The following BRPF1 variants were observed in gnomAD, a reference collection of about 807,000 sequenced individuals.
BRPF1 encodes bromodomain and PHD finger containing 1, also known as peregrin.
Under a neutral mutation model 115.0 loss-of-function variants are expected in BRPF1, and 15 were observed. The observed-to-expected ratio is 0.13, with a 90% CI of 0.09 to 0.20. The LOEUF is 0.20. Among genes scored for constraint, BRPF1 ranks in the 10% least tolerant of loss-of-function variants. BRPF1 has a pLI of 1.00. For missense variants in BRPF1, 1,118 were observed against 1,638.3 expected, an observed-to-expected ratio of 0.68 and a Z score of 5.48; for synonymous variants, 647 against 619.8, an observed-to-expected ratio of 1.04 and a Z score of -0.65.
Position 9,734,528 on chromosome 3 carries a change from C to G in BRPF1, c.388C>G (p.Pro130Ala). ...SEDEEAPEEAPENGSNKENTE... is the reference protein window; with the variant it reads ...SEDEEAPEEAAENGSNKENTE... ...GGATGAGGAAGCCCCCGAGGAGGCC[C>G]CTGAGAATGGCAGCAACAAGGAGAA... Residue 130 changes from proline to alanine, a missense_variant, in exon 2 of 14, where the codon CCT becomes GCT. Physicochemically the swap from Pro to Ala is conservative, Grantham distance 27 (BLOSUM62 -1). Coordinates refer to ENST00000383829, the MANE Select transcript of BRPF1 (RefSeq NM_001003694.2). This position sits in a 1 kb window ranked among gnomAD's most constrained non-coding sequence, Gnocchi z 5.7. 1 of 1,614,070 alleles carries G rather than the reference C, an allele frequency of 6.2e-7. No individual in the cohort carries two copies. The highest frequency in any genetic ancestry group is 8.5e-7 in the Non-Finnish European group (1 of 1,180,012).
chr3:9,743,227 A>T lies in BRPF1; in HGVS notation c.2285A>T (p.Asp762Val). The T allele has an allele frequency of 6.2e-7, 1 of 1,613,924 alleles. No homozygotes were observed. Among genetic ancestry groups the T allele is most frequent in the Non-Finnish European group, 8.5e-7 (1 of 1,179,878 alleles). The change falls in exon 7 of 14, where the codon GAT (aspartate) becomes GTT (valine). Residue 762 changes from aspartate (D) to valine (V), a missense_variant. Physicochemically the swap from Asp to Val is radical, Grantham distance 152. Coordinates refer to ENST00000383829, the MANE Select transcript of BRPF1 (RefSeq NM_001003694.2). This position sits in a 1 kb window ranked among gnomAD's most constrained non-coding sequence, Gnocchi z 6.1. The stretch of plus-strand genomic sequence containing the variant: ...CATATCCCCCACAGCCTGGCTGGAG[A>T]TGAGGCCACACACCACACTGAAGAT... ...GMHIPHSLAG[D>V]EATHHTEDAA...
chr3:9,746,196 T>C, intron 12 of BRPF1, 104 bp from the exon 13 acceptor site: 2 of 1,369,352 alleles, frequency 1.5e-6, no homozygotes, highest in South Asian at 2.9e-5. Flanking sequence ...AGTAGCATGA[T>C]ACCCTCTCTG....
At position 9,743,943 on chromosome 3, in the gene BRPF1, C is replaced by T; in HGVS notation, c.2635+42C>T. The T allele has an allele frequency of 6.5e-7, 1 of 1,531,652 alleles. No homozygotes were observed. The highest frequency in any genetic ancestry group is 8.8e-7 in the Non-Finnish European group (1 of 1,136,664). 94.9% of individuals were successfully genotyped at this position (1,531,652 alleles called of 1,614,324 possible). A position where few individuals can be genotyped will look rare whatever the true frequency, so the allele number is the denominator to read the frequency against. ...AAGGTGGACCCCAAAGCAAGTCAGA[C>T]TTTGGCTCTGCAGCACACACTCAAC... On this transcript the variant is annotated intron_variant, in intron 8 of 13. Coordinates refer to ENST00000383829, the MANE Select transcript of BRPF1 (RefSeq NM_001003694.2). This position sits in a 1 kb window ranked among gnomAD's most constrained non-coding sequence, Gnocchi z 6.1.
chr3:9,740,100 CAGAT>C (rs917412455), intron 3 of BRPF1, 142 bp downstream of exon 3: 11 of 1,386,358 alleles, frequency 7.9e-6, no homozygotes, highest in Non-Finnish European at 1.0e-5. Flanking sequence ...ATTTTCAAAA[CAGAT>C]AGTTGTCTTT....
At chr3:9,732,260 T>C (rs2076864899) in intron 1 of BRPF1, 122 bp downstream of exon 1, 2 of 152,320 alleles carry the variant, frequency 1.3e-5, no homozygotes, top group African/African-American at 4.8e-5. Context: ...TTGGGAGAAC[T>C]GACAGTGCAT....
Position 9,745,327 on chromosome 3 carries a change from CAG to C in BRPF1, c.3068+178_3068+179del, listed in dbSNP as rs1000604556. The stretch of plus-strand genomic sequence containing the variant: ...TAAATCAGTGTTACCATTAATAGAA[CAG>C]AGAGAACCATCCTGGATTAAGGTGA... On this transcript the variant is annotated intron_variant, in intron 10 of 13. Transcript: ENST00000383829. The surrounding 1 kb of genome is among the most constrained non-coding windows in gnomAD (Gnocchi z 5.1). Among the ~76,000 whole-genome samples the C allele has an allele frequency of 2.0e-5, 3 of 152,224 alleles. No individual in the cohort carries two copies. Among genetic ancestry groups the C allele is most frequent in the African/African-American group, 7.2e-5 (3 of 41,444 alleles).
chr3:9,738,886 A>G, intron 2 of BRPF1, 113 bp from the exon 3 acceptor site: 3 of 928,832 alleles, frequency 3.2e-6, no homozygotes, highest in South Asian at 4.2e-5. Flanking sequence ...GAAATGAGAC[A>G]ACACATCTGA....
rs890429483 is a variant in BRPF1 at position 9,746,699 on chromosome 3, T to C, written c.3479+245T>C. On this transcript the variant is annotated intron_variant, in intron 13 of 13. Transcript: ENST00000383829. ...GACCATCAGAGACTTATGACAAATA[T>C]AGAGGTGGCTCCCACCCAGACTCAG... Among the ~76,000 whole-genome samples the C allele has an allele frequency of 5.3e-5, 8 of 151,516 alleles. No individual in the cohort carries two copies. The East Asian group carries it at 7.8e-4, about 15-fold the overall frequency.
chr3:9,738,706 G>C (rs2076981450), intron 2 of BRPF1, among the ~76,000 whole-genome samples: 1 of 152,228 alleles, frequency 6.6e-6, no homozygotes, highest in African/African-American at 2.4e-5. Flanking sequence ...GTCACATATA[G>C]CAGCTAGGAC....
intron 4 of BRPF1, among the ~76,000 whole-genome samples, 165 bp from the exon 5 acceptor site, chr3:9,741,143 A>G (rs1252085645): frequency 6.6e-6 from 1 of 152,194 alleles, no homozygotes; most frequent in Admixed American, 6.5e-5. Flanking sequence ...AACACATACC[A>G]AGCATTTATT....
Position 9,742,171 on chromosome 3 carries a change from A to G in BRPF1, c.2001A>G (p.Glu667=), listed in dbSNP as rs1443369289. 1 of 1,613,920 alleles carries G rather than the reference A, an allele frequency of 6.2e-7. No homozygotes were observed. ...VPLSEVTELD[E]VPDYLDHIKK... is the part of the protein sequence containing the mutation. ...TGTCTGAGGTAACCGAATTGGACGA[A>G]GTAAGAATCCCTTCCCCTCACTCCA... Residue 667 remains glutamate (E), a splice_region_variant and synonymous_variant, in exon 6 of 14, where the codon GAA becomes GAG. Coordinates refer to ENST00000383829, the MANE Select transcript of BRPF1 (RefSeq NM_001003694.2).
Position 9,743,811 on chromosome 3 carries a change from G to C in BRPF1, c.2545G>C (p.Gly849Arg), listed in dbSNP as rs374970380. 6.2e-7 allele frequency: 1 copy of C among 1,611,408 alleles called. No individual in the cohort carries two copies. The highest frequency in any genetic ancestry group is 8.5e-7 in the Non-Finnish European group (1 of 1,177,880). Residue 849 changes from glycine (G) to arginine (R), a missense_variant, in exon 8 of 14, where the codon GGT (glycine) becomes CGT (arginine). Physicochemically the swap from Gly to Arg is moderately radical, Grantham distance 125 (BLOSUM62 -2). This residue lies in a region of BRPF1 where 223 missense variants were observed against 240.7 expected (regional missense o/e 0.93). Coordinates refer to ENST00000383829, the MANE Select transcript of BRPF1 (RefSeq NM_001003694.2). The surrounding 1 kb of genome is among the most constrained non-coding windows in gnomAD (Gnocchi z 6.1). ...GPERHGPSSR[G>R]SLTPHPAACD... Reference sequence around the variant, plus strand: ...TGAGCGGCATGGCCCCTCGAGCCGGGGTAGTCTGACACCCCACCCGGCAGC... The same window carrying C: ...TGAGCGGCATGGCCCCTCGAGCCGGCGTAGTCTGACACCCCACCCGGCAGC...
rs965391960 is a variant in BRPF1 at position 9,742,646 on chromosome 3, G to C, written c.2002-298G>C. The C allele has an allele frequency of 6.7e-6, 5 of 746,778 alleles. No homozygotes were observed. The African/African-American group carries it at 9.6e-5, about 14-fold the overall frequency. The allele number at this position is 746,778 out of a possible 1,614,324, so 46.3% of individuals were successfully genotyped here. A position where few individuals can be genotyped will look rare whatever the true frequency, so the allele number is the denominator to read the frequency against. ...TGTTTATTTTCAGAGGAGTCCCCAA[G>C]CCATTTTCTTACTAAAGCCTCATAT... On this transcript the variant is annotated intron_variant, in intron 6 of 13. Coordinates refer to ENST00000383829, the MANE Select transcript of BRPF1 (RefSeq NM_001003694.2).
Position 9,743,869 on chromosome 3 carries a change from C to T in BRPF1, c.2603C>T (p.Ala868Val), listed in dbSNP as rs755114281. The T allele has an allele frequency of 6.3e-7, 1 of 1,589,968 alleles. No homozygotes were observed. The highest frequency in any genetic ancestry group is 1.7e-5 in the Admixed American group (1 of 58,638). The change falls in exon 8 of 14, where the codon GCA (alanine) becomes GTA (valine). Residue 868 changes from alanine (A) to valine (V), a missense_variant. Ala to Val is a moderately conservative substitution (Grantham distance 64). Coordinates refer to ENST00000383829, the MANE Select transcript of BRPF1 (RefSeq NM_001003694.2). This position sits in a 1 kb window ranked among gnomAD's most constrained non-coding sequence, Gnocchi z 6.1. ...AAGGATGGGCAGACAGATAGTGCGG[C>T]AGAGGAGAGCAGCAGCCAGGAGACA... ...CDKDGQTDSAAEESSSQETSK... is the reference protein window; with the variant it reads ...CDKDGQTDSAVEESSSQETSK...
chr3:9,744,737 A>C (rs554366104), intron 9 of BRPF1, among the ~76,000 whole-genome samples: 1 of 152,222 alleles, frequency 6.6e-6, no homozygotes, highest in East Asian at 1.9e-4. Flanking sequence ...GTATCACTTT[A>C]CCTTTTCTCT....
rs1285537342 is a variant in BRPF1, at chr3:9,738,267, A to T, written c.600-732A>T. Among the ~76,000 whole-genome samples, 4 of 152,210 alleles carry T rather than the reference A, an allele frequency of 2.6e-5. No homozygotes were observed. The East Asian group carries it at 5.8e-4, about 22-fold the overall frequency. On this transcript the variant is annotated intron_variant, in intron 2 of 13. Coordinates refer to ENST00000383829, the MANE Select transcript of BRPF1 (RefSeq NM_001003694.2). The stretch of plus-strand genomic sequence containing the variant: ...TATGTGACCTATCTATGTTTTGATT[A>T]ACTTCTCAAAGCTTAAGTTTTCTTA...
In BRPF1 at chr3:9,745,451, T is replaced by C. The variant is rs1575167289; in HGVS notation, c.3069-122T>C. The C allele has an allele frequency of 6.6e-6, 8 of 1,206,806 alleles. No individual in the cohort carries two copies. In the South Asian group the frequency reaches 9.8e-5, roughly 15 times the overall value. 74.8% of individuals were successfully genotyped at this position (1,206,806 alleles called of 1,614,324 possible). A position where few individuals can be genotyped will look rare whatever the true frequency, so the allele number is the denominator to read the frequency against. Reference sequence around the variant, plus strand: ...TGTGGGTGTTTGAATTTGAAATTCCTCATATAGCCTCTGCTTTCCAAAAGT... The same window carrying C: ...TGTGGGTGTTTGAATTTGAAATTCCCCATATAGCCTCTGCTTTCCAAAAGT... On this transcript the variant is annotated intron_variant, in intron 10 of 13. Transcript: ENST00000383829. The surrounding 1 kb of genome is among the most constrained non-coding windows in gnomAD (Gnocchi z 5.1).
intron 6 of BRPF1, chr3:9,742,671 T>C (rs1017508586): frequency 3.1e-5 from 18 of 579,652 alleles, no homozygotes; most frequent in Non-Finnish European, 3.9e-5. Flanking sequence ...AAGCCTCATA[T>C]AGTCTAGAAA....
chr3:9,742,014 T>C lies in BRPF1; in HGVS notation c.1855-11T>C. On this transcript the variant is annotated splice_polypyrimidine_tract_variant and intron_variant, in intron 5 of 13. Coordinates refer to ENST00000383829, the MANE Select transcript of BRPF1 (RefSeq NM_001003694.2). Reference sequence around the variant, plus strand: ...CCGAGGCCTGGCTGATCAGGCCTTTTTCTATGTTAGATCAAGGTTCAGCAG... The same window carrying C: ...CCGAGGCCTGGCTGATCAGGCCTTTCTCTATGTTAGATCAAGGTTCAGCAG... 1.9e-6 allele frequency: 3 copies of C among 1,614,056 alleles called. No individual in the cohort carries two copies. The highest frequency in any genetic ancestry group is 1.1e-5 in the South Asian group (1 of 91,080).
Sources: allele counts gnomAD v4.1 joint callset (sites outside exome capture counted in the v4.1 genomes callset), GRCh38; gene constraint gnomAD v4.1.1; regional missense constraint gnomAD v4.1.1; non-coding constraint Gnocchi (gnomAD v3.1); transcripts MANE v1.5; gene names NCBI Gene and HGNC (gene_info 2026-07-23, HGNC 2026-07-21).